SRD5A2: variants seen among roughly 807,000 people sequenced by gnomAD.
The protein encoded by SRD5A2 is 3-oxo-5-alpha-steroid 4-dehydrogenase 2.
A neutral mutation model predicts 27.4 loss-of-function variants in SRD5A2; 30 were observed. The ratio of observed to expected loss-of-function variants is 1.10; its 90% CI spans 0.82 to 1.49. SRD5A2 has a LOEUF of 1.49. Among genes scored for constraint, SRD5A2 ranks in the 40% most tolerant of loss-of-function variants. The pLI, the probability that SRD5A2 is intolerant of heterozygous loss-of-function variation, is 0.00. For synonymous variants in SRD5A2, 141 were observed against 133.6 expected (o/e 1.06, Z -0.38); for missense variants, 348 against 323.4 (o/e 1.08, Z -0.58).
chr2:31,615,134 G>A, the SRD5A2 span, among the ~76,000 whole-genome samples: 4 of 152,144 alleles, frequency 2.6e-5, no homozygotes, highest in African/African-American at 9.7e-5. Flanking sequence ...CCCAGTCTCA[G>A]GTATGTCTTT....
chr2:31,609,285 A>G, the SRD5A2 span, among the ~76,000 whole-genome samples: 1 of 152,246 alleles, frequency 6.6e-6, no homozygotes, highest in South Asian at 2.1e-4. Context: ...CAGAAACAGG[A>G]AAGTTGATAT....
the SRD5A2 span, among the ~76,000 whole-genome samples, chr2:31,614,102 C>A: frequency 6.6e-6 from 1 of 152,152 alleles, no homozygotes. Context: ...AACAGTTCCT[C>A]AAAGTAATAA....
intron 1 of SRD5A2, among the ~76,000 whole-genome samples, chr2:31,554,967 G>GTGTGTGTGTGTGTGTGTGTT (rs1035574752): frequency 7.5e-6 from 1 of 134,154 alleles, no homozygotes; most frequent in African/African-American, 2.7e-5. Context: ...GTGTGTGTGT[G>GTGTGTGTGTGTGTGTGTGTT]TATGTGTGTG....
the SRD5A2 span, among the ~76,000 whole-genome samples, chr2:31,641,027 A>G: frequency 1.7e-4 from 26 of 152,196 alleles, 3 homozygotes; most frequent in South Asian, 5.0e-3. Flanking sequence ...AAGTCTTATT[A>G]TTCTCCTCCC....
At chr2:31,566,981 T>C (rs1414647488) in intron 1 of SRD5A2, among the ~76,000 whole-genome samples, 2 of 152,224 alleles carry the variant, frequency 1.3e-5, no homozygotes, top group Non-Finnish European at 2.9e-5. Context: ...AATCAGAGTG[T>C]ACTCTTTATG....
chr2:31,555,690 A>G (rs2148083372), intron 1 of SRD5A2, among the ~76,000 whole-genome samples: 1 of 152,314 alleles, frequency 6.6e-6, no homozygotes, highest in East Asian at 1.9e-4. Context: ...GAGTTAATAA[A>G]TTAGGGTTTC....
chr2:31,603,794 C>G, the SRD5A2 span, among the ~76,000 whole-genome samples: 2 of 151,848 alleles, frequency 1.3e-5, no homozygotes, highest in African/African-American at 4.8e-5. Context: ...AACACAGGAA[C>G]AGAAAAACAA....
the SRD5A2 span, among the ~76,000 whole-genome samples, chr2:31,586,309 C>T: frequency 6.6e-6 from 1 of 152,148 alleles, no homozygotes; most frequent in Non-Finnish European, 1.5e-5. Context: ...TCTCTGGACC[C>T]ACCTGGGGCT....
chr2:31,657,534 G>T, the SRD5A2 span, among the ~76,000 whole-genome samples: 1 of 152,134 alleles, frequency 6.6e-6, no homozygotes, highest in African/African-American at 2.4e-5. Flanking sequence ...GTGAGTACAG[G>T]TGTGAGCTAC....
chr2:31,617,233 T>G, the SRD5A2 span, among the ~76,000 whole-genome samples: 1 of 152,204 alleles, frequency 6.6e-6, no homozygotes, highest in African/African-American at 2.4e-5. Context: ...TTGGGACTTG[T>G]AACATCTGAA....
At chr2:31,571,773 G>A (rs765077119) in intron 1 of SRD5A2, among the ~76,000 whole-genome samples, 11 of 151,994 alleles carry the variant, frequency 7.2e-5, no homozygotes, top group Non-Finnish European at 8.8e-5. Context: ...AAAAATGCTC[G>A]GCATCACTAA....
chr2:31,583,439 A>T (rs184576898), upstream of SRD5A2, among the ~76,000 whole-genome samples: 146 of 152,202 alleles, frequency 9.6e-4, no homozygotes, highest in Non-Finnish European at 1.7e-3. Context: ...AGAAAATTGG[A>T]ACCAATAATG....
chr2:31,649,528 A>G, the SRD5A2 span, among the ~76,000 whole-genome samples: 26 of 152,276 alleles, frequency 1.7e-4, 1 homozygote, highest in East Asian at 4.8e-3. Flanking sequence ...TCAATACTTC[A>G]TATTATTTTT....
chr2:31,550,644 C>T (rs749849553), intron 1 of SRD5A2, among the ~76,000 whole-genome samples: 51 of 151,836 alleles, frequency 3.4e-4, no homozygotes, highest in Non-Finnish European at 6.6e-4. Flanking sequence ...GAGAAATAAC[C>T]TGATTATATC....
At chr2:31,597,201 G>A in the SRD5A2 span, among the ~76,000 whole-genome samples, 1 of 152,030 alleles carries the variant, frequency 6.6e-6, no homozygotes, top group African/African-American at 2.4e-5. Flanking sequence ...CTTTGACAAA[G>A]CAAACAGAAA....
the SRD5A2 span, among the ~76,000 whole-genome samples, chr2:31,599,355 ATACTT>A: frequency 1.4e-4 from 22 of 152,204 alleles, no homozygotes; most frequent in African/African-American, 5.3e-4. Flanking sequence ...GCTACAGAAT[ATACTT>A]TATTTTCCTC....
In SRD5A2 at chr2:31,529,461, C is replaced by T. The variant is rs763759170; in HGVS notation, c.548-4G>A. The T allele has an allele frequency of 6.8e-6, 11 of 1,611,188 alleles. No homozygotes were observed. The East Asian group carries it at 8.9e-5, about 13-fold the overall frequency. ...GAAACATACGTAAACAAGCCACCTG[C>T]GTGCAGAAGAATCGGAAGGTCAATC... is the stretch of plus-strand genomic sequence containing the variant. On this transcript the variant is annotated splice_polypyrimidine_tract_variant and splice_region_variant and intron_variant, in intron 3 of 4. Transcript: ENST00000622030.
the SRD5A2 span, among the ~76,000 whole-genome samples, chr2:31,616,955 C>T: frequency 5.9e-5 from 9 of 152,018 alleles, no homozygotes; most frequent in Non-Finnish European, 1.0e-4. Context: ...TTGAATCATG[C>T]GAGCAGTTCC....
the SRD5A2 span, among the ~76,000 whole-genome samples, chr2:31,647,355 A>G: frequency 3.3e-5 from 5 of 152,184 alleles, no homozygotes; most frequent in Non-Finnish European, 4.4e-5. Context: ...CTGATAGCCC[A>G]TGGAACACAT....
Sources: allele counts gnomAD v4.1 joint callset (sites outside exome capture counted in the v4.1 genomes callset), GRCh38; gene constraint gnomAD v4.1.1; transcripts MANE v1.5; gene names NCBI Gene and HGNC (gene_info 2026-07-23, HGNC 2026-07-21).